ZBTB8A: variants seen among roughly 807,000 people sequenced by gnomAD.
The protein encoded by ZBTB8A is zinc finger and BTB domain containing 8A, also known as zinc finger and BTB domain-containing protein 8A.
In ZBTB8A, 19 loss-of-function variants were observed where a neutral mutation model predicts 37.8. The observed-to-expected ratio is 0.50, with a 90% CI of 0.35 to 0.74. The LOEUF is 0.74. Ranked by LOEUF, ZBTB8A falls within the 30% of genes least tolerant of loss-of-function variation. ZBTB8A has a pLI of 0.01. For missense variants in ZBTB8A, 394 were observed against 537.8 expected, an observed-to-expected ratio of 0.73 and a Z score of 2.65; for synonymous variants, 181 against 185.2, an observed-to-expected ratio of 0.98 and a Z score of 0.19.
chr1:32,557,298 A>G (rs1003842457), intron 2 of ZBTB8A, among the ~76,000 whole-genome samples: 12 of 152,166 alleles, frequency 7.9e-5, no homozygotes, highest in Non-Finnish European at 1.5e-4. Flanking sequence ...CCAGACTCCC[A>G]TCTCAAAAAG....
intron 1 of ZBTB8A, among the ~76,000 whole-genome samples, chr1:32,547,076 T>G (rs191883321): frequency 6.6e-6 from 1 of 151,768 alleles, no homozygotes; most frequent in Non-Finnish European, 1.5e-5. Flanking sequence ...GCTAATTTTT[T>G]AATTATTTGT....
intron 2 of ZBTB8A, among the ~76,000 whole-genome samples, chr1:32,589,614 A>G (rs921245140): frequency 6.6e-6 from 1 of 151,014 alleles, no homozygotes; most frequent in African/African-American, 2.4e-5. Flanking sequence ...CAGTGGCGCA[A>G]TCTCTGCTCA....
intron 4 of ZBTB8A, 90 bp downstream of exon 4, chr1:32,595,313 G>C (rs1485987324): frequency 7.5e-7 from 1 of 1,337,174 alleles, no homozygotes. Context: ...TTGTTGCCAG[G>C]CTGGAGTACA....
At chr1:32,593,835 T>C in intron 3 of ZBTB8A, 81 bp downstream of exon 3, 1 of 1,102,180 alleles carries the variant, frequency 9.1e-7, no homozygotes, top group Non-Finnish European at 1.3e-6. Context: ...CACCCTTAGT[T>C]TCAGGTGCTC....
chr1:32,594,695 G>T (rs1161435880), intron 3 of ZBTB8A, among the ~76,000 whole-genome samples: 2 of 151,856 alleles, frequency 1.3e-5, no homozygotes, highest in Non-Finnish European at 2.9e-5. Context: ...GAACCCAGGA[G>T]GCAGAGGTTG....
chr1:32,542,575 A>T (rs1298784546), intron 1 of ZBTB8A, among the ~76,000 whole-genome samples: 1 of 152,138 alleles, frequency 6.6e-6, no homozygotes, highest in African/African-American at 2.4e-5. Context: ...CTCCGTCTCA[A>T]AAAAAGAGAG....
At chr1:32,556,989 AC>A (rs1644208160) in intron 2 of ZBTB8A, among the ~76,000 whole-genome samples, 1 of 151,960 alleles carries the variant, frequency 6.6e-6, no homozygotes, top group African/African-American at 2.4e-5. Flanking sequence ...TTTGAATCAT[AC>A]GCATTCAAGG....
At chr1:32,552,286 C>T (rs1279109712) in intron 1 of ZBTB8A, among the ~76,000 whole-genome samples, 1 of 152,116 alleles carries the variant, frequency 6.6e-6, no homozygotes, top group African/African-American at 2.4e-5. Flanking sequence ...ATCACTTAAG[C>T]CTGGGAGATC....
intron 1 of ZBTB8A, among the ~76,000 whole-genome samples, chr1:32,543,919 G>T (rs564977995): frequency 3.9e-5 from 6 of 152,074 alleles, no homozygotes; most frequent in African/African-American, 1.4e-4. Flanking sequence ...CTCATGATCC[G>T]CCCGCCTCGG....
intron 4 of ZBTB8A, 143 bp downstream of exon 4, chr1:32,595,366 C>G: frequency 1.3e-6 from 1 of 771,292 alleles, no homozygotes. Flanking sequence ...CTCCCGGGTT[C>G]AAGCAATTCT....
intron 2 of ZBTB8A, among the ~76,000 whole-genome samples, chr1:32,591,969 AGCAGCTGGGACTACAGGCAC>A (rs1281250027): frequency 6.6e-6 from 1 of 151,962 alleles, no homozygotes; most frequent in Non-Finnish European, 1.5e-5. Flanking sequence ...TCAGCTCCCG[AGCAGCTGGGACTACAGGCAC>A]GCACCACCAT....
At chr1:32,592,163 A>G (rs1280243114) in intron 2 of ZBTB8A, among the ~76,000 whole-genome samples, 1 of 152,136 alleles carries the variant, frequency 6.6e-6, no homozygotes, top group Non-Finnish European at 1.5e-5. Flanking sequence ...GTATTAAGTG[A>G]TATGTTGAAA....
At chr1:32,562,264 A>G (rs1644249351) in intron 2 of ZBTB8A, among the ~76,000 whole-genome samples, 1 of 150,308 alleles carries the variant, frequency 6.7e-6, no homozygotes, top group South Asian at 2.1e-4. Flanking sequence ...CCCCTGAGCT[A>G]TTTTTTAAAA....
intron 1 of ZBTB8A, among the ~76,000 whole-genome samples, chr1:32,544,030 C>T (rs994109597): frequency 2.0e-5 from 3 of 152,156 alleles, no homozygotes; most frequent in African/African-American, 4.8e-5. Flanking sequence ...ATTGTGGTGG[C>T]GTAATCCTGG....
chr1:32,540,779 C>T (rs1570299280), intron 1 of ZBTB8A, among the ~76,000 whole-genome samples: 1 of 152,338 alleles, frequency 6.6e-6, no homozygotes, highest in Non-Finnish European at 1.5e-5. Context: ...GAGCCCCTCA[C>T]TGATAAGCAG....
At chr1:32,574,986 G>A (rs898745481) in intron 2 of ZBTB8A, among the ~76,000 whole-genome samples, 3 of 151,986 alleles carry the variant, frequency 2.0e-5, no homozygotes, top group African/African-American at 7.2e-5. Context: ...TGTTGCCCAG[G>A]CTGGTCTTGA....
At position 32,591,496 on chromosome 1, in the gene ZBTB8A, G is replaced by A. The variant is rs893156360; in HGVS notation, c.-1-1435G>A. Among the ~76,000 whole-genome samples the A allele has an allele frequency of 3.3e-5, 5 of 152,084 alleles. 1 individual carries two copies. Among genetic ancestry groups the A allele is most frequent in the Non-Finnish European group, 7.4e-5 (5 of 68,012 alleles). On this transcript the variant is annotated intron_variant, in intron 2 of 4. Coordinates refer to ENST00000373510, the MANE Select transcript of ZBTB8A (RefSeq NM_001040441.3). ...TGACTCCCAAAGTGCTGGGATTATA[G>A]GCGTGAGCTACCACCCTGGGCTGGA...
rs567700403 is a variant in ZBTB8A at position 32,597,883 on chromosome 1, G to A, written c.994-2204G>A. 1.2e-4 allele frequency among the ~76,000 whole-genome samples: 18 copies of A among 151,868 alleles called. No individual in the cohort carries two copies. In the South Asian group the frequency reaches 3.8e-3, roughly 32 times the overall value. ...TCCTGCCTTGGCCTCCCGAGTAGCTGGGATTACAAGCACATATCCGGCTAA... is the reference window on the plus strand; with the variant it reads ...TCCTGCCTTGGCCTCCCGAGTAGCTAGGATTACAAGCACATATCCGGCTAA... On this transcript the variant is annotated intron_variant, in intron 4 of 4. Transcript: ENST00000373510.
At chr1:32,553,306 C>T (rs1185497547) in intron 1 of ZBTB8A, among the ~76,000 whole-genome samples, 153 bp from the exon 2 acceptor site, 4 of 152,142 alleles carry the variant, frequency 2.6e-5, no homozygotes, top group East Asian at 1.9e-4. Context: ...GTTATCTGCC[C>T]GCGTTGGCCT....
Sources: gnomAD v4.1 joint callset for allele counts (sites outside exome capture counted in the v4.1 genomes callset) on GRCh38, gnomAD v4.1.1 for gene constraint, MANE v1.5 for transcripts, NCBI Gene and HGNC (gene_info 2026-07-23, HGNC 2026-07-21) for gene names.